Variants in RIMBP2 observed in about 807,000 individuals in gnomAD.
The protein encoded by RIMBP2 is RIMS-binding protein 2.
RIMBP2 carries 48 observed loss-of-function variants against 118.6 expected under a neutral mutation model. The observed-to-expected ratio is 0.40, with a 90% CI of 0.32 to 0.51. The LOEUF (loss-of-function observed/expected upper bound fraction) is 0.51. Among genes scored for constraint, RIMBP2 ranks in the 20% least tolerant of loss-of-function variants. The probability of loss-of-function intolerance (pLI) is 0.41; values close to 1 mark genes in which losing one functional copy is unlikely to be tolerated. For missense variants in RIMBP2, 1,551 were observed against 1,768.3 expected (o/e 0.88, Z 2.20); for synonymous variants, 762 against 742.9 (o/e 1.03, Z -0.42).
Position 130,705,174 on chromosome 12 carries a change from A to G in RIMBP2, c.-352+11048T>C, listed in dbSNP as rs570190276. 7.8e-4 allele frequency among the ~76,000 whole-genome samples: 119 copies of G among 152,280 alleles called. 1 individual carries two copies. The highest frequency in any genetic ancestry group is 2.8e-3 in the African/African-American group (115 of 41,560). Reference sequence around the variant, plus strand: ...AGTCACACGGATGTGCCTGAAACTGAGTTTTTCACAAATCAATGACACTGG... The same window carrying G: ...AGTCACACGGATGTGCCTGAAACTGGGTTTTTCACAAATCAATGACACTGG... On this transcript the variant is annotated intron_variant, in intron 1 of 22. Coordinates refer to ENST00000690449, the MANE Select transcript of RIMBP2 (RefSeq NM_001393629.1).
intron 22 of RIMBP2, chr12:130,397,950 C>CTATT: frequency 6.4e-6 from 1 of 155,102 alleles, no homozygotes; most frequent in African/African-American, 2.4e-5. Flanking sequence ...GTATTTGAAA[C>CTATT]TATTTGGTTA....
chr12:130,670,957 A>G lies in RIMBP2; in HGVS notation c.-351-42501T>C, dbSNP rs1010503852. Among the ~76,000 whole-genome samples the G allele has an allele frequency of 2.6e-5, 4 of 152,048 alleles. No individual in the cohort carries two copies. Among genetic ancestry groups the G allele is most frequent in the Non-Finnish European group, 5.9e-5 (4 of 67,996 alleles). On this transcript the variant is annotated intron_variant, in intron 1 of 22. Transcript: ENST00000690449. This position sits in a 1 kb window ranked among gnomAD's most constrained non-coding sequence, Gnocchi z 4.9. ...TCTCTTTTAGTAGACACGGGGTTTC[A>G]CCATGTTGGCCAGGCTGGTCTCAAA...
At chr12:130,699,367 G>A (rs2065730109) in intron 1 of RIMBP2, among the ~76,000 whole-genome samples, 1 of 152,070 alleles carries the variant, frequency 6.6e-6, no homozygotes, top group African/African-American at 2.4e-5. Flanking sequence ...AGAAAATGTG[G>A]CACGTATATA....
intron 6 of RIMBP2, among the ~76,000 whole-genome samples, chr12:130,466,593 G>A (rs983450237): frequency 2.0e-5 from 3 of 152,162 alleles, no homozygotes; most frequent in East Asian, 1.9e-4. Flanking sequence ...GCTGGGAACC[G>A]TGTCAGCAAA....
At chr12:130,528,362 A>G (rs2053028391) in intron 2 of RIMBP2, among the ~76,000 whole-genome samples, 1 of 152,124 alleles carries the variant, frequency 6.6e-6, no homozygotes, top group South Asian at 2.1e-4. Flanking sequence ...ACTAAACACC[A>G]CATGTTCTCA....
At position 130,621,462 on chromosome 12, in the gene RIMBP2, G is replaced by A. The variant is rs1476660647; in HGVS notation, c.-217+6860C>T. Among the ~76,000 whole-genome samples the A allele has an allele frequency of 1.3e-5, 2 of 152,316 alleles. No homozygotes were observed. The highest frequency in any genetic ancestry group is 1.3e-4 in the Admixed American group (2 of 15,308). ...AGAGTTCCTGGACGTAGCCGTTCCT[G>A]AAGCTAGAATCTCCTCTCTTCAATT... On this transcript the variant is annotated intron_variant, in intron 2 of 22. Transcript: ENST00000690449. This position sits in a 1 kb window ranked among gnomAD's most constrained non-coding sequence, Gnocchi z 6.6.
intron 2 of RIMBP2, among the ~76,000 whole-genome samples, chr12:130,522,470 G>C (rs1827826382): frequency 6.6e-6 from 1 of 152,240 alleles, no homozygotes; most frequent in Non-Finnish European, 1.5e-5. Context: ...AGCTGTCTGT[G>C]TCTTTAGGAG....
chr12:130,417,202 A>C (rs1232760792), intron 17 of RIMBP2, among the ~76,000 whole-genome samples: 1 of 152,226 alleles, frequency 6.6e-6, no homozygotes, highest in Non-Finnish European at 1.5e-5. Flanking sequence ...TGGAGAACTT[A>C]GAACTACCAT....
chr12:130,666,750 GGAGT>G (rs541270051), intron 1 of RIMBP2, among the ~76,000 whole-genome samples: 68 of 143,676 alleles, frequency 4.7e-4, no homozygotes, highest in Non-Finnish European at 8.7e-4. Context: ...AAGGAGGGAA[GGAGT>G]GAGGGAGGGA....
At chr12:130,700,988 A>G (rs963577023) in intron 1 of RIMBP2, among the ~76,000 whole-genome samples, 2 of 152,266 alleles carry the variant, frequency 1.3e-5, no homozygotes, top group Non-Finnish European at 1.5e-5. Context: ...CACATGTAAC[A>G]TGGCCCTGCC....
chr12:130,510,976 A>G (rs1051771806), intron 3 of RIMBP2, among the ~76,000 whole-genome samples: 13 of 152,180 alleles, frequency 8.5e-5, no homozygotes, highest in African/African-American at 3.1e-4. Context: ...ATGGCTGAAT[A>G]ACGGCCCCAC....
In RIMBP2 at chr12:130,646,262, TCCACCTGCCTCACCACCTCCCTCA is replaced by T. The variant is rs2062933878; in HGVS notation, c.-351-17830_-351-17807del. Among the ~76,000 whole-genome samples the T allele has an allele frequency of 1.4e-4, 2 of 14,322 alleles. 1 individual carries two copies. Among genetic ancestry groups the T allele is most frequent in the Non-Finnish European group, 2.7e-4 (2 of 7,438 alleles). 9.4% of individuals were successfully genotyped at this position (14,322 alleles called of 152,430 possible). A position where few individuals can be genotyped will look rare whatever the true frequency, so the allele number is the denominator to read the frequency against. ...CTCCACCTCCCTCACCACTTCCCTC[TCCACCTGCCTCACCACCTCCCTCA>T]CCACCTGCCTCTCCACCTCCCTCAC... On this transcript the variant is annotated intron_variant, in intron 1 of 22. Coordinates refer to ENST00000690449, the MANE Select transcript of RIMBP2 (RefSeq NM_001393629.1).
At chr12:130,572,395 T>C (rs1011628973) in intron 2 of RIMBP2, among the ~76,000 whole-genome samples, 2 of 152,152 alleles carry the variant, frequency 1.3e-5, no homozygotes, top group African/African-American at 4.8e-5. Context: ...TGATTTTCCT[T>C]CTTCCCGGCT....
chr12:130,706,767 G>A (rs923376319), intron 1 of RIMBP2, among the ~76,000 whole-genome samples: 5 of 152,278 alleles, frequency 3.3e-5, no homozygotes, highest in Admixed American at 3.3e-4. Flanking sequence ...CAATGAGGCC[G>A]GCTCTTGTTT....
intron 6 of RIMBP2, among the ~76,000 whole-genome samples, chr12:130,463,513 G>C (rs2080189542): frequency 6.6e-6 from 1 of 152,194 alleles, no homozygotes; most frequent in Non-Finnish European, 1.5e-5. Context: ...CCAGCTCCTG[G>C]CTCAGTGCCC....
intron 2 of RIMBP2, among the ~76,000 whole-genome samples, chr12:130,530,482 A>G (rs1417657735): frequency 2.0e-5 from 3 of 151,330 alleles, no homozygotes; most frequent in African/African-American, 7.3e-5. Context: ...AAGAATAACA[A>G]TTTTTAAAAG....
intron 7 of RIMBP2, among the ~76,000 whole-genome samples, chr12:130,452,739 C>T (rs927226316): frequency 1.2e-4 from 19 of 152,186 alleles, no homozygotes; most frequent in African/African-American, 3.9e-4. Context: ...TCCAGCGTTC[C>T]GAGACCTGGG....
chr12:130,459,571 GAAAGGTACCA>G (rs2079790009), intron 6 of RIMBP2, among the ~76,000 whole-genome samples: 1 of 152,200 alleles, frequency 6.6e-6, no homozygotes, highest in South Asian at 2.1e-4. Context: ...TGAAGATAAT[GAAAGGTACCA>G]CCCCATCAAG....
intron 6 of RIMBP2, chr12:130,465,664 AGTG>A (rs140792053): frequency 0.087 from 13,297 of 152,280 alleles, 739 homozygotes; most frequent in East Asian, 0.18. Flanking sequence ...AACCTCAGGC[AGTG>A]GTTTCAGGGG....
Sources: allele counts gnomAD v4.1 joint callset (sites outside exome capture counted in the v4.1 genomes callset), GRCh38; gene constraint gnomAD v4.1.1; non-coding constraint Gnocchi (gnomAD v3.1); transcripts MANE v1.5; gene names NCBI Gene and HGNC (gene_info 2026-07-23, HGNC 2026-07-21).